HEMK2: variants seen among roughly 807,000 people sequenced by gnomAD.
HEMK2 encodes HemK methyltransferase 2, ETF1 glutamine and histone H4 lysine.
the HEMK2 span, among the ~76,000 whole-genome samples, chr21:28,751,807 G>A: frequency 2.0e-5 from 3 of 152,156 alleles, no homozygotes; most frequent in Non-Finnish European, 4.4e-5. Flanking sequence ...AGCCTCTTGA[G>A]TAGCTGGGAT....
the HEMK2 span, among the ~76,000 whole-genome samples, chr21:28,739,743 T>G: frequency 0.015 from 2,241 of 152,298 alleles, 48 homozygotes; most frequent in African/African-American, 0.051. Flanking sequence ...AACAATTCTG[T>G]TTTTCAGCGA....
At chr21:28,885,222 C>G in the HEMK2 span, 1 of 1,579,396 alleles carries the variant, frequency 6.3e-7, no homozygotes, top group East Asian at 2.4e-5. Context: ...CCTGCCAGTT[C>G]GGCAGCCGCT....
the HEMK2 span, among the ~76,000 whole-genome samples, chr21:28,604,081 T>C: frequency 6.6e-6 from 1 of 152,252 alleles, no homozygotes; most frequent in Non-Finnish European, 1.5e-5. Flanking sequence ...TGGTTCAATC[T>C]CTACTTTCTG....
the HEMK2 span, chr21:28,883,075 A>G: frequency 3.9e-6 from 6 of 1,540,038 alleles, no homozygotes; most frequent in Non-Finnish European, 5.3e-6. Flanking sequence ...TTCCACTCTG[A>G]AAAAAAAATA....
At chr21:28,883,159 AT>A in the HEMK2 span, 3 of 819,620 alleles carry the variant, frequency 3.7e-6, no homozygotes, top group African/African-American at 1.8e-5. Context: ...TCTAGCATAT[AT>A]ATTTCTCTAG....
the HEMK2 span, among the ~76,000 whole-genome samples, chr21:28,643,544 G>A: frequency 2.0e-4 from 31 of 152,096 alleles, no homozygotes; most frequent in Non-Finnish European, 3.4e-4. Flanking sequence ...TCCAGGCAAG[G>A]TCATGCACAC....
the HEMK2 span, among the ~76,000 whole-genome samples, chr21:28,877,911 G>A: frequency 6.6e-6 from 1 of 152,138 alleles, no homozygotes; most frequent in Non-Finnish European, 1.5e-5. Context: ...AATACTGAGA[G>A]TGAGGTGTTA....
chr21:28,605,961 C>T, the HEMK2 span, among the ~76,000 whole-genome samples: 2 of 152,168 alleles, frequency 1.3e-5, no homozygotes, highest in East Asian at 3.9e-4. Flanking sequence ...TTTCTCAGTA[C>T]AGTAAATTAT....
At chr21:28,584,624 C>T in the HEMK2 span, among the ~76,000 whole-genome samples, 4 of 152,034 alleles carry the variant, frequency 2.6e-5, no homozygotes, top group Admixed American at 6.6e-5. Flanking sequence ...AAGGAAAGTT[C>T]CCCACACTCT....
chr21:28,879,827 AT>A, the HEMK2 span: 2 of 1,406,466 alleles, frequency 1.4e-6, no homozygotes, highest in Non-Finnish European at 1.9e-6. Flanking sequence ...TACAAACAAA[AT>A]AATTGAAAAT....
the HEMK2 span, among the ~76,000 whole-genome samples, chr21:28,602,742 T>C: frequency 1.3e-5 from 2 of 152,214 alleles, no homozygotes; most frequent in Non-Finnish European, 2.9e-5. Context: ...AGTTTTAGCA[T>C]TGGGACCAAC....
At chr21:28,879,927 G>A in the HEMK2 span, 224 of 1,599,830 alleles carry the variant, frequency 1.4e-4, no homozygotes, top group Non-Finnish European at 1.8e-4. Flanking sequence ...CAACTTTTTC[G>A]GTCAATCTTG....
At chr21:28,875,575 T>C in the HEMK2 span, 2 of 155,512 alleles carry the variant, frequency 1.3e-5, no homozygotes, top group Non-Finnish European at 2.8e-5. Context: ...TGCAGACTCT[T>C]TTCTTGTTCT....
chr21:28,851,760 G>T, the HEMK2 span, among the ~76,000 whole-genome samples: 2 of 152,272 alleles, frequency 1.3e-5, no homozygotes, highest in East Asian at 1.9e-4. Context: ...AGGGAAAAGT[G>T]ATCAAGGTCT....
the HEMK2 span, among the ~76,000 whole-genome samples, chr21:28,739,947 T>C: frequency 6.6e-6 from 1 of 152,202 alleles, no homozygotes; most frequent in African/African-American, 2.4e-5. Context: ...AGGTCTACTT[T>C]GTATCATCTG....
chr21:28,714,776 G>C, the HEMK2 span, among the ~76,000 whole-genome samples: 3 of 152,042 alleles, frequency 2.0e-5, no homozygotes, highest in South Asian at 6.2e-4. Context: ...TCAATAGGTA[G>C]TTTCTAAACC....
chr21:28,885,026 C>G, the HEMK2 span, among the ~76,000 whole-genome samples: 2 of 152,126 alleles, frequency 1.3e-5, no homozygotes, highest in African/African-American at 4.8e-5. Flanking sequence ...GATGCGTCCC[C>G]GGCACACTCA....
At chr21:28,633,969 G>A in the HEMK2 span, among the ~76,000 whole-genome samples, 19 of 152,184 alleles carry the variant, frequency 1.2e-4, no homozygotes, top group East Asian at 2.1e-3. Context: ...AACAGGCTTC[G>A]GTTATCTAAG....
the HEMK2 span, among the ~76,000 whole-genome samples, chr21:28,868,646 T>C: frequency 6.6e-6 from 1 of 152,310 alleles, no homozygotes; most frequent in East Asian, 1.9e-4. Context: ...TTCACGCCAC[T>C]GCACTCCAGC....
Sources: allele counts gnomAD v4.1 joint callset (sites outside exome capture counted in the v4.1 genomes callset), GRCh38; gene constraint gnomAD v4.1.1; transcripts MANE v1.5; gene names NCBI Gene and HGNC (gene_info 2026-07-23, HGNC 2026-07-21).